PCDHA2: variants seen among roughly 807,000 people sequenced by gnomAD.
PCDHA2 encodes the protein protocadherin alpha-2.
In PCDHA2, 58 loss-of-function variants were observed where a neutral mutation model predicts 66.0. That is an observed-to-expected ratio of 0.88 (90% CI 0.71 to 1.09). The LOEUF (loss-of-function observed/expected upper bound fraction) is 1.09, where lower values mean the gene tolerates loss of function less well. Among genes scored for constraint, PCDHA2 ranks in the 50% least tolerant of loss-of-function variants. The probability of loss-of-function intolerance (pLI) is 0.00; values close to 1 mark genes in which losing one functional copy is unlikely to be tolerated. For synonymous variants in PCDHA2, 634 were observed against 554.0 expected (o/e 1.14, Z -2.03); for missense variants, 1,267 against 1,242.3 (o/e 1.02, Z -0.30).
At chr5:140,967,409 C>T (rs1451311967) in intron 1 of PCDHA2, 9 of 1,613,130 alleles carry the variant, frequency 5.6e-6, no homozygotes, top group Non-Finnish European at 7.6e-6. Flanking sequence ...GCGTAAGGGC[C>T]TAGACCGGGA....
chr5:140,875,938 G>A (rs375005102), intron 1 of PCDHA2: 5 of 1,614,020 alleles, frequency 3.1e-6, no homozygotes, highest in Middle Eastern at 1.6e-4. Flanking sequence ...TCCTCTAGAG[G>A]GCGCTTCTGA....
rs941007574 is a variant in PCDHA2 at position 141,010,090 on chromosome 5, C to G, written c.*153C>G. ...AAGTTCCCTGTGTCTGTCTAGAACG[C>G]ATTTAACAGGTTTTGTCGTAAAAGC... On this transcript the variant is annotated 3_prime_UTR_variant, in exon 4 of 4. Transcript: ENST00000526136. 1.5e-5 allele frequency: 24 copies of G among 1,612,636 alleles called. No homozygotes were observed. Among genetic ancestry groups the G allele is most frequent in the Non-Finnish European group, 2.0e-5 (24 of 1,179,276 alleles).
rs2056928091 is a variant in PCDHA2 at position 140,877,191 on chromosome 5, A to C, written c.2388+79839A>C. 3 of 1,613,798 alleles carry C rather than the reference A, an allele frequency of 1.9e-6. No individual in the cohort carries two copies. The South Asian group carries it at 3.3e-5, about 18-fold the overall frequency. Reference sequence around the variant, plus strand: ...TGCTGGCGACTCCGGCTGGCAGCGCAGGAGGCGCAGTTAGCGAGTTGGTAC... The same window carrying C: ...TGCTGGCGACTCCGGCTGGCAGCGCCGGAGGCGCAGTTAGCGAGTTGGTAC... On this transcript the variant is annotated intron_variant, in intron 1 of 3. Transcript: ENST00000526136.
intron 1 of PCDHA2, chr5:140,801,494 C>G (rs1554121517): frequency 1.2e-6 from 2 of 1,614,120 alleles, no homozygotes; most frequent in Non-Finnish European, 1.7e-6. Flanking sequence ...GCGGGCGGAG[C>G]GCGGAGTGCA....
intron 1 of PCDHA2, among the ~76,000 whole-genome samples, chr5:140,840,298 T>C (rs1378373140): frequency 6.6e-6 from 1 of 152,042 alleles, no homozygotes; most frequent in African/African-American, 2.4e-5. Context: ...ATTGATTAGA[T>C]ATTCTTTTAA....
At chr5:140,853,843 C>T (rs2042882869) in intron 1 of PCDHA2, 1 of 986,310 alleles carries the variant, frequency 1.0e-6, no homozygotes, top group African/African-American at 1.8e-5. Flanking sequence ...ATTTTAGATC[C>T]ATAGCCCTAT....
intron 1 of PCDHA2, chr5:140,884,070 C>T: frequency 1.2e-6 from 2 of 1,613,516 alleles, no homozygotes; most frequent in Non-Finnish European, 1.7e-6. Context: ...GACGCCGATT[C>T]GGGCTACAAT....
chr5:140,851,858 A>T, intron 1 of PCDHA2: 3 of 973,970 alleles, frequency 3.1e-6, no homozygotes, highest in Non-Finnish European at 3.7e-6. Flanking sequence ...CTCTCAGCTC[A>T]TACATAACAC....
intron 1 of PCDHA2, chr5:140,834,235 C>A: frequency 1.3e-6 from 1 of 779,654 alleles, no homozygotes; most frequent in South Asian, 2.0e-5. Flanking sequence ...GAAGTCATTC[C>A]TTTTCGCACT....
chr5:140,853,779 T>G lies in PCDHA2; in HGVS notation c.2388+56427T>G, dbSNP rs958716488. On this transcript the variant is annotated intron_variant, in intron 1 of 3. Coordinates refer to ENST00000526136, the MANE Select transcript of PCDHA2 (RefSeq NM_018905.3). ...ACCTCAGAAATTCTGAAATGGGTAG[T>G]AAGAGCAAATTTTCATTTTAAAGCA... 3.5e-5 allele frequency: 35 copies of G among 987,624 alleles called. No individual in the cohort carries two copies. In the African/African-American group the frequency reaches 6.2e-4, roughly 17 times the overall value. 61.2% of individuals were successfully genotyped at this position (987,624 alleles called of 1,614,324 possible).
intron 1 of PCDHA2, chr5:140,848,793 G>T: frequency 6.3e-7 from 1 of 1,592,844 alleles, no homozygotes; most frequent in African/African-American, 1.3e-5. Context: ...CGGGCGGAGC[G>T]CGGAGTGCAG....
chr5:140,842,268 A>T, intron 1 of PCDHA2: 1 of 1,610,534 alleles, frequency 6.2e-7, no homozygotes, highest in Non-Finnish European at 8.5e-7. Context: ...GAAAACTTAT[A>T]CAAAATCCTC....
intron 1 of PCDHA2, chr5:140,849,602 T>G: frequency 6.3e-7 from 1 of 1,598,704 alleles, no homozygotes; most frequent in South Asian, 1.1e-5. Flanking sequence ...GGACAGTTAT[T>G]GCCCTGATTA....
intron 1 of PCDHA2, chr5:140,853,448 G>C: frequency 1.0e-6 from 1 of 980,734 alleles, no homozygotes; most frequent in Non-Finnish European, 1.2e-6. Context: ...TTGCCTAATA[G>C]GTCTCCTTAT....
intron 1 of PCDHA2, chr5:140,927,680 G>T: frequency 6.2e-7 from 1 of 1,614,140 alleles, no homozygotes; most frequent in Non-Finnish European, 8.5e-7. Context: ...CCAGATGAAG[G>T]GTCCAATGGG....
intron 1 of PCDHA2, among the ~76,000 whole-genome samples, chr5:140,846,674 T>TA (rs1434317760): frequency 1.3e-5 from 2 of 149,408 alleles, no homozygotes; most frequent in East Asian, 3.9e-4. Context: ...GCGCCCAGCC[T>TA]AAAATGCTTT....
At chr5:140,882,776 T>C in intron 1 of PCDHA2, 2 of 1,614,252 alleles carry the variant, frequency 1.2e-6, no homozygotes, top group Non-Finnish European at 1.7e-6. Context: ...GGCATTGACC[T>C]ACCGACTGGA....
chr5:140,869,750 A>T (rs1467855920), intron 1 of PCDHA2: 1 of 1,613,280 alleles, frequency 6.2e-7, no homozygotes, highest in Non-Finnish European at 8.5e-7. Context: ...ACAGCTACAG[A>T]CGGGGGAAAA....
intron 1 of PCDHA2, chr5:140,837,311 A>G (rs1328894218): frequency 1.3e-5 from 2 of 152,060 alleles, no homozygotes; most frequent in Non-Finnish European, 2.9e-5. Context: ...TGTATTTGCC[A>G]TGTTCATGAA....
Sources: allele counts gnomAD v4.1 joint callset (sites outside exome capture counted in the v4.1 genomes callset), GRCh38; gene constraint gnomAD v4.1.1; transcripts MANE v1.5; gene names NCBI Gene and HGNC (gene_info 2026-07-23, HGNC 2026-07-21).